The following IRAK4 variants were observed in gnomAD, a reference collection of about 807,000 sequenced individuals.
IRAK4 encodes interleukin 1 receptor associated kinase 4.
IRAK4 carries 44 observed loss-of-function variants against 51.8 expected under a neutral mutation model. That is an observed-to-expected ratio of 0.85 (90% confidence interval 0.67 to 1.09). The LOEUF is 1.09. Ranked by LOEUF, IRAK4 falls within the 50% of genes least tolerant of loss-of-function variation. The pLI is 0.00. For synonymous variants in IRAK4, 149 were observed against 174.1 expected (o/e 0.86, Z 1.13); for missense variants, 487 against 538.0 (o/e 0.91, Z 0.94).
intron 6 of IRAK4, 103 bp from the exon 7 acceptor site, chr12:43,777,527 A>G (rs944021609): frequency 3.0e-6 from 3 of 994,192 alleles, no homozygotes; most frequent in African/African-American, 3.3e-5. Flanking sequence ...ATAACATACT[A>G]TTTTTTTGCT....
intron 3 of IRAK4, 152 bp from the exon 4 acceptor site, chr12:43,772,028 T>G: frequency 3.1e-6 from 2 of 648,408 alleles, no homozygotes; most frequent in East Asian, 5.4e-5. Flanking sequence ...ACTTACAGAT[T>G]CTTACTAGGC....
At chr12:43,784,079 A>G (rs908610884) in intron 10 of IRAK4, among the ~76,000 whole-genome samples, 2 of 152,210 alleles carry the variant, frequency 1.3e-5, no homozygotes, top group African/African-American at 4.8e-5. Flanking sequence ...GGGGGGAAAA[A>G]AAAGGCTTCC....
Position 43,786,548 on chromosome 12 carries a change from C to T in IRAK4, c.1338C>T (p.Asp446=), listed in dbSNP as rs138719119. Residue 446 remains aspartate, a synonymous_variant, in exon 11 of 12, where the codon GAC becomes GAT. Transcript: ENST00000613694. ...ATGAAAAGAAAAATAAGAGACCAGA[C>T]ATTAAGAAGGTATGCATTTTTTATA... ...CLHEKKNKRP[D]IKKVQQLLQE... The T allele has an allele frequency of 2.0e-5, 33 of 1,613,244 alleles. No individual in the cohort carries two copies. Among genetic ancestry groups the T allele is most frequent in the South Asian group, 3.3e-5 (3 of 91,002 alleles).
At chr12:43,779,218 G>A (rs4251508) in intron 8 of IRAK4, among the ~76,000 whole-genome samples, 10,712 of 152,106 alleles carry the variant, frequency 0.07, 409 homozygotes, top group Middle Eastern at 0.14. Flanking sequence ...AGCTATGATC[G>A]TGCCAGTGCT....
chr12:43,771,726 A>C (rs551273950), intron 3 of IRAK4, among the ~76,000 whole-genome samples: 1 of 152,310 alleles, frequency 6.6e-6, no homozygotes, highest in South Asian at 2.1e-4. Context: ...ATAATTTTAA[A>C]AAATTGTATT....
intron 3 of IRAK4, 119 bp downstream of exon 3, chr12:43,771,484 TC>T: frequency 9.5e-7 from 1 of 1,049,528 alleles, no homozygotes; most frequent in Non-Finnish European, 1.4e-6. Context: ...CATTTGAGAG[TC>T]CCTTTCTTTC....
rs1419625941 is a variant in IRAK4 at position 43,782,440 on chromosome 12, G to T, written c.1075G>T (p.Ala359Ser). 2.5e-6 allele frequency: 4 copies of T among 1,613,744 alleles called. No individual in the cohort carries two copies. Among genetic ancestry groups the T allele is most frequent in the Non-Finnish European group, 3.4e-6 (4 of 1,179,836 alleles). ...AACAACAGCTTATATGGCACCAGAA[G>T]CTTTGCGTGGAGAAATAACACCCAA... is the stretch of plus-strand genomic sequence containing the variant. ...VGTTAYMAPE[A>S]LRGEITPKSD... The change falls in exon 9 of 12, where the codon GCT (alanine) becomes TCT (serine). Residue 359 changes from alanine to serine, a missense_variant. Physicochemically the swap from Ala to Ser is moderately conservative, Grantham distance 99 (BLOSUM62 1). Coordinates refer to ENST00000613694, the MANE Select transcript of IRAK4 (RefSeq NM_016123.4).
At chr12:43,776,781 A>G (rs979921085) in intron 6 of IRAK4, among the ~76,000 whole-genome samples, 1 of 152,226 alleles carries the variant, frequency 6.6e-6, no homozygotes. Flanking sequence ...CTGCCACTTT[A>G]TTAGATTGTA....
chr12:43,767,420 G>A lies in IRAK4; in HGVS notation c.-9-683G>A, dbSNP rs563065125. Among the ~76,000 whole-genome samples, 15 of 152,310 alleles carry A rather than the reference G, an allele frequency of 9.8e-5. No individual in the cohort carries two copies. In the South Asian group the frequency reaches 2.9e-3, roughly 29 times the overall value. ...ATCCCTGGCTGCAGCTCTCCAGGATGGAGTAGCAGAAGTAAAGGGGGATTG... is the reference window on the plus strand; with the variant it reads ...ATCCCTGGCTGCAGCTCTCCAGGATAGAGTAGCAGAAGTAAAGGGGGATTG... On this transcript the variant is annotated intron_variant, in intron 1 of 11. Coordinates refer to ENST00000613694, the MANE Select transcript of IRAK4 (RefSeq NM_016123.4).
chr12:43,762,205 A>G (rs903406969), intron 1 of IRAK4, among the ~76,000 whole-genome samples: 1 of 152,166 alleles, frequency 6.6e-6, no homozygotes, highest in Non-Finnish European at 1.5e-5. Context: ...TTAAAGTAAA[A>G]TTTTAATTTC....
intron 1 of IRAK4, among the ~76,000 whole-genome samples, chr12:43,760,267 T>C (rs540366358): frequency 1.3e-5 from 2 of 152,334 alleles, no homozygotes; most frequent in East Asian, 3.9e-4. Context: ...CTAGGACTTC[T>C]GCACTTGCTC....
At chr12:43,784,867 C>G (rs898971418) in intron 10 of IRAK4, among the ~76,000 whole-genome samples, 1 of 152,186 alleles carries the variant, frequency 6.6e-6, no homozygotes, top group Admixed American at 6.5e-5. Flanking sequence ...TCACTAGATT[C>G]TGCCGTTGTC....
chr12:43,765,244 C>T (rs1393906266), intron 1 of IRAK4, among the ~76,000 whole-genome samples: 1 of 152,164 alleles, frequency 6.6e-6, no homozygotes, highest in Non-Finnish European at 1.5e-5. Flanking sequence ...CTATGGTGTT[C>T]ACTGTTGGTT....
At chr12:43,784,016 G>T (rs185682816) in intron 10 of IRAK4, among the ~76,000 whole-genome samples, 1 of 151,928 alleles carries the variant, frequency 6.6e-6, no homozygotes, top group African/African-American at 2.4e-5. Context: ...TGTTTATTTT[G>T]TGTCACTTTT....
At chr12:43,770,960 T>G in intron 2 of IRAK4, 1 of 629,742 alleles carries the variant, frequency 1.6e-6, no homozygotes, top group Non-Finnish European at 2.9e-6. Flanking sequence ...TATTTTTCTT[T>G]TTCTCTCTCT....
rs769465559 is a variant in IRAK4 at position 43,782,330 on chromosome 12, C to A, written c.965C>A (p.Ala322Asp). Residue 322 changes from alanine (A) to aspartate (D), a missense_variant, in exon 9 of 12, where the codon GCT (alanine) becomes GAT (aspartate). Ala to Asp is a moderately radical substitution (Grantham distance 126, BLOSUM62 -2). Transcript: ENST00000613694. ...IKSANILLDEAFTAKISDFGL... is the reference protein window; with the variant it reads ...IKSANILLDEDFTAKISDFGL... Reference sequence around the variant, plus strand: ...AGTGCAAATATCTTACTGGATGAAGCTTTTACTGCTAAAATATCTGACTTT... The same window carrying A: ...AGTGCAAATATCTTACTGGATGAAGATTTTACTGCTAAAATATCTGACTTT... The A allele has an allele frequency of 6.2e-7, 1 of 1,613,138 alleles. No homozygotes were observed. The highest frequency in any genetic ancestry group is 1.3e-5 in the African/African-American group (1 of 74,862).
intron 1 of IRAK4, among the ~76,000 whole-genome samples, chr12:43,762,933 A>T (rs1299051426): frequency 6.6e-6 from 1 of 152,188 alleles, no homozygotes; most frequent in African/African-American, 2.4e-5. Context: ...CTAGATTCAA[A>T]AGAGGTTTCT....
chr12:43,761,764 C>T (rs2137836950), intron 1 of IRAK4, among the ~76,000 whole-genome samples: 1 of 152,276 alleles, frequency 6.6e-6, no homozygotes, highest in East Asian at 1.9e-4. Flanking sequence ...TTTTGCCCTC[C>T]TGTTTTGGGC....
chr12:43,768,960 A>G (rs999919123), intron 2 of IRAK4, among the ~76,000 whole-genome samples: 2 of 152,230 alleles, frequency 1.3e-5, no homozygotes, highest in African/African-American at 4.8e-5. Flanking sequence ...GAAAGAACCT[A>G]AAAGACTTGG....
Sources: allele counts gnomAD v4.1 joint callset (sites outside exome capture counted in the v4.1 genomes callset), GRCh38; gene constraint gnomAD v4.1.1; transcripts MANE v1.5; gene names NCBI Gene and HGNC (gene_info 2026-07-23, HGNC 2026-07-21).